FRMD4B: variants seen among roughly 807,000 people sequenced by gnomAD.
FRMD4B encodes FERM domain containing 4B, also known as FERM domain-containing protein 4B.
FRMD4B carries 74 observed loss-of-function variants against 141.5 expected under a neutral mutation model. The observed-to-expected ratio is 0.52, with a 90% CI of 0.43 to 0.63. FRMD4B has a LOEUF of 0.63. Among genes scored for constraint, FRMD4B ranks in the 30% least tolerant of loss-of-function variants. The pLI is 0.00. For synonymous variants in FRMD4B, 506 were observed against 467.9 expected, an observed-to-expected ratio of 1.08 and a Z score of -1.05; for missense variants, 1,366 against 1,253.4, an observed-to-expected ratio of 1.09 and a Z score of -1.36.
chr3:69,476,814 T>C, intron 1 of FRMD4B, among the ~76,000 whole-genome samples: 1 of 152,196 alleles, frequency 6.6e-6, no homozygotes, highest in East Asian at 1.9e-4. Flanking sequence ...ATTTTCACGA[T>C]ATTGATTCTT....
intron 4 of FRMD4B, among the ~76,000 whole-genome samples, chr3:69,294,843 G>T (rs182720547): frequency 1.3e-5 from 2 of 152,236 alleles, no homozygotes; most frequent in East Asian, 3.9e-4. Flanking sequence ...GAGAGGGAGT[G>T]GGGAGGGGAG....
At chr3:69,464,573 G>A (rs1575811551) in intron 1 of FRMD4B, among the ~76,000 whole-genome samples, 1 of 152,220 alleles carries the variant, frequency 6.6e-6, no homozygotes, top group East Asian at 1.9e-4. Flanking sequence ...TTTAAATGTG[G>A]AGACCCCTTT....
At chr3:69,196,128 C>T (rs2092900861) in intron 14 of FRMD4B, 127 bp downstream of exon 14, 1 of 722,052 alleles carries the variant, frequency 1.4e-6, no homozygotes, top group Non-Finnish European at 2.3e-6. Context: ...CTGTCGCATA[C>T]ATACTTATTG....
chr3:69,260,107 C>T (rs1049648343), intron 5 of FRMD4B, among the ~76,000 whole-genome samples: 8 of 152,048 alleles, frequency 5.3e-5, no homozygotes, highest in African/African-American at 1.7e-4. Context: ...GAGGTGACAA[C>T]GTGCTAGCAG....
chr3:69,277,636 C>G (rs2093624111), intron 5 of FRMD4B, among the ~76,000 whole-genome samples: 1 of 151,062 alleles, frequency 6.6e-6, no homozygotes. Flanking sequence ...GGCAATTCTC[C>G]TGCCTCAGCC....
At chr3:69,260,641 C>T (rs926996472) in intron 5 of FRMD4B, among the ~76,000 whole-genome samples, 4 of 152,248 alleles carry the variant, frequency 2.6e-5, no homozygotes, top group African/African-American at 9.6e-5. Context: ...AGTGCAGGCG[C>T]GTGGTGCGGG....
At chr3:69,362,227 T>A (rs1703490737) in intron 1 of FRMD4B, among the ~76,000 whole-genome samples, 1 of 152,302 alleles carries the variant, frequency 6.6e-6, no homozygotes, top group South Asian at 2.1e-4. Flanking sequence ...ACTATTATTA[T>A]TATCTCCATT....
chr3:69,304,576 C>G (rs184032944), intron 3 of FRMD4B, among the ~76,000 whole-genome samples: 3 of 151,470 alleles, frequency 2.0e-5, no homozygotes, highest in Admixed American at 1.3e-4. Context: ...GATTTAAGCA[C>G]GTACTTGTTT....
At chr3:69,277,235 C>T (rs1287759838) in intron 5 of FRMD4B, among the ~76,000 whole-genome samples, 1 of 152,076 alleles carries the variant, frequency 6.6e-6, no homozygotes, top group East Asian at 1.9e-4. Flanking sequence ...CCTACTAAAG[C>T]CTTACAGAGC....
At chr3:69,373,047 A>G (rs1330919427) in intron 1 of FRMD4B, among the ~76,000 whole-genome samples, 1 of 152,180 alleles carries the variant, frequency 6.6e-6, no homozygotes. Context: ...CCATGATTTG[A>G]CTTTAGGGAT....
Position 69,250,063 on chromosome 3 carries a change from A to C in FRMD4B, c.538T>G (p.Leu180Val), listed in dbSNP as rs375789053. 1 of 1,610,804 alleles carries C rather than the reference A, an allele frequency of 6.2e-7. No individual in the cohort carries two copies. Among genetic ancestry groups the C allele is most frequent in the African/African-American group, 1.3e-5 (1 of 74,876 alleles). ...IEVESETIFK[L>V]AAFILQEAKG... The stretch of plus-strand genomic sequence containing the variant: ...CTTACCTGTAAAATAAACGCTGCTA[A>C]CTTGAAGATGGTTTCGCTCTCTACT... Residue 180 changes from leucine to valine, a missense_variant, in exon 6 of 23, where the codon TTA (leucine) becomes GTA (valine). Transcript: ENST00000398540.
At chr3:69,209,883 C>T (rs889366519) in intron 11 of FRMD4B, among the ~76,000 whole-genome samples, 5 of 152,218 alleles carry the variant, frequency 3.3e-5, no homozygotes, top group African/African-American at 1.2e-4. Flanking sequence ...AGCTTCTAAT[C>T]TAGGTCCAAG....
At chr3:69,519,584 C>T (rs1173137727) in intron 1 of FRMD4B, among the ~76,000 whole-genome samples, 3 of 152,144 alleles carry the variant, frequency 2.0e-5, no homozygotes, top group Non-Finnish European at 4.4e-5. Flanking sequence ...AGACCCTTTC[C>T]CTCTCTGGTT....
Position 69,187,016 on chromosome 3 carries a change from T to C in FRMD4B, c.1919+754A>G, listed in dbSNP as rs79211347. Among the ~76,000 whole-genome samples, 52 of 152,302 alleles carry C rather than the reference T, an allele frequency of 3.4e-4. No individual in the cohort carries two copies. In the East Asian group the frequency reaches 9.5e-3, roughly 28 times the overall value. On this transcript the variant is annotated intron_variant, in intron 19 of 22. Transcript: ENST00000398540. ...TATTTGAGAAAATGCTTGGATTATCTATTTTACAGATTATGAGTTTAAGTC... is the reference window on the plus strand; with the variant it reads ...TATTTGAGAAAATGCTTGGATTATCCATTTTACAGATTATGAGTTTAAGTC...
At chr3:69,314,007 C>T (rs1190169701) in intron 1 of FRMD4B, among the ~76,000 whole-genome samples, 1 of 146,882 alleles carries the variant, frequency 6.8e-6, no homozygotes, top group Admixed American at 6.8e-5. Flanking sequence ...GGCGTGGTAG[C>T]GGGCGCCTGT....
At chr3:69,446,506 C>T (rs913000849) in intron 1 of FRMD4B, among the ~76,000 whole-genome samples, 1 of 151,990 alleles carries the variant, frequency 6.6e-6, no homozygotes, top group African/African-American at 2.4e-5. Flanking sequence ...CTAATTTTCA[C>T]ATTTTTAGTA....
chr3:69,182,824 A>G, intron 19 of FRMD4B, 107 bp from the exon 20 acceptor site: 1 of 1,029,164 alleles, frequency 9.7e-7, no homozygotes, highest in Non-Finnish European at 1.5e-6. Flanking sequence ...GGAAAGGGAA[A>G]ATAGGGAGAA....
At chr3:69,240,113 T>G (rs2093370944) in intron 7 of FRMD4B, among the ~76,000 whole-genome samples, 1 of 151,446 alleles carries the variant, frequency 6.6e-6, no homozygotes, top group Admixed American at 6.6e-5. Flanking sequence ...CCAAACTCTA[T>G]TCTTAAAAAT....
chr3:69,370,122 T>C (rs1417392523), intron 1 of FRMD4B, among the ~76,000 whole-genome samples: 2 of 151,780 alleles, frequency 1.3e-5, no homozygotes, highest in Admixed American at 6.6e-5. Context: ...GTTTTTTTTT[T>C]TTTCTTTTGC....
Sources: gnomAD v4.1 joint callset for allele counts (sites outside exome capture counted in the v4.1 genomes callset) on GRCh38, gnomAD v4.1.1 for gene constraint, MANE v1.5 for transcripts, NCBI Gene and HGNC (gene_info 2026-07-23, HGNC 2026-07-21) for gene names.